The following SEMA3E variants were observed in gnomAD, a reference collection of about 807,000 sequenced individuals.
SEMA3E encodes the protein semaphorin 3E, also known as semaphorin-3E.
A neutral mutation model predicts 93.6 loss-of-function variants in SEMA3E; 49 were observed. That is an observed-to-expected ratio of 0.52 (90% CI 0.42 to 0.66). SEMA3E has a LOEUF of 0.66. Ranked by LOEUF, SEMA3E falls within the 30% of genes least tolerant of loss-of-function variation. The pLI is 0.00. For missense variants in SEMA3E, 906 were observed against 964.8 expected (o/e 0.94, Z 0.81); for synonymous variants, 363 against 330.7 (o/e 1.10, Z -1.06).
chr7:83,545,046 A>C (rs746819968), intron 1 of SEMA3E, among the ~76,000 whole-genome samples: 38 of 152,134 alleles, frequency 2.5e-4, no homozygotes, highest in African/African-American at 8.7e-4. Flanking sequence ...ATGAACCAGC[A>C]ACAGAAATAC....
intron 1 of SEMA3E, among the ~76,000 whole-genome samples, chr7:83,519,646 A>G (rs1251973263): frequency 6.6e-6 from 1 of 152,038 alleles, no homozygotes; most frequent in Non-Finnish European, 1.5e-5. Context: ...TAGCTCCGGG[A>G]TGTATCTCCT....
chr7:83,572,356 T>C (rs1438791201), intron 1 of SEMA3E, among the ~76,000 whole-genome samples: 1 of 152,094 alleles, frequency 6.6e-6, no homozygotes, highest in South Asian at 2.1e-4. Flanking sequence ...CAAAACATCA[T>C]GGTCCTGGTA....
At chr7:83,632,481 C>A (rs894793548) in intron 1 of SEMA3E, among the ~76,000 whole-genome samples, 8 of 152,104 alleles carry the variant, frequency 5.3e-5, no homozygotes, top group African/African-American at 1.9e-4. Context: ...GAATAAGTCT[C>A]ATGAGATCTG....
intron 12 of SEMA3E, 28 bp downstream of exon 12, chr7:83,396,609 AT>A: frequency 4.4e-6 from 6 of 1,371,928 alleles, no homozygotes; most frequent in Non-Finnish European, 6.2e-6. Flanking sequence ...TAATGCATAA[AT>A]TTGGTCTGTA....
chr7:83,474,351 A>C (rs1033161092), intron 2 of SEMA3E, among the ~76,000 whole-genome samples: 14 of 148,222 alleles, frequency 9.4e-5, no homozygotes, highest in Non-Finnish European at 2.9e-5. Context: ...CAAGCACTCT[A>C]TGTTTTGAAT....
intron 2 of SEMA3E, among the ~76,000 whole-genome samples, chr7:83,471,320 A>G (rs2954809): frequency 0.67 from 88,722 of 133,068 alleles, 31,321 homozygotes; most frequent in Non-Finnish European, 0.78. Flanking sequence ...TAATTAAAAC[A>G]TTAAAAAAAA....
At chr7:83,398,116 T>G (rs1788161144) in intron 11 of SEMA3E, among the ~76,000 whole-genome samples, 1 of 152,184 alleles carries the variant, frequency 6.6e-6, no homozygotes, top group Non-Finnish European at 1.5e-5. Context: ...CATGTTCTTT[T>G]TTCTGAAAAT....
At chr7:83,647,275 CA>C (rs1425157937) in intron 1 of SEMA3E, among the ~76,000 whole-genome samples, 3 of 152,042 alleles carry the variant, frequency 2.0e-5, no homozygotes, top group Non-Finnish European at 4.4e-5. Context: ...AATAAAAAGA[CA>C]AAAAGGCCAA....
intron 1 of SEMA3E, among the ~76,000 whole-genome samples, chr7:83,503,715 AT>A (rs1381108911): frequency 6.6e-6 from 1 of 152,208 alleles, no homozygotes; most frequent in Non-Finnish European, 1.5e-5. Context: ...TTGTAATTTG[AT>A]AAGTATTTGT....
chr7:83,385,575 TA>T, intron 15 of SEMA3E, 142 bp from the exon 16 acceptor site: 1 of 983,500 alleles, frequency 1.0e-6, no homozygotes, highest in East Asian at 2.6e-5. Context: ...TTAAAGGAAT[TA>T]TTTAGAAAGA....
chr7:83,448,524 A>G (rs1789285191), intron 4 of SEMA3E, among the ~76,000 whole-genome samples: 1 of 152,142 alleles, frequency 6.6e-6, no homozygotes, highest in African/African-American at 2.4e-5. Context: ...AACAAAAACA[A>G]AACAAAACAA....
In SEMA3E at chr7:83,587,613, A is replaced by T. The variant is rs569291574; in HGVS notation, c.115+60815T>A. Among the ~76,000 whole-genome samples the T allele has an allele frequency of 4.1e-4, 62 of 151,878 alleles. No homozygotes were observed. In the South Asian group the frequency reaches 8.5e-3, roughly 21 times the overall value. ...TGTAATCTCAGCACTTAGAAAAAAT[A>T]GTAGAAAAAAACTAAAAACCATTTG... On this transcript the variant is annotated intron_variant, in intron 1 of 16. Transcript: ENST00000643230.
chr7:83,606,664 A>G (rs1219156332), intron 1 of SEMA3E, among the ~76,000 whole-genome samples: 2 of 146,994 alleles, frequency 1.4e-5, no homozygotes, highest in African/African-American at 5.1e-5. Context: ...CTAATGCTAG[A>G]TGACACGTTA....
At chr7:83,422,481 ATTT>A (rs1399001578) in intron 4 of SEMA3E, among the ~76,000 whole-genome samples, 1 of 152,154 alleles carries the variant, frequency 6.6e-6, no homozygotes, top group Admixed American at 6.5e-5. Context: ...GACCCACATC[ATTT>A]CATGGAGGAG....
chr7:83,564,972 G>A (rs757804360), intron 1 of SEMA3E, among the ~76,000 whole-genome samples: 1 of 152,038 alleles, frequency 6.6e-6, no homozygotes, highest in Admixed American at 6.6e-5. Flanking sequence ...GAAGAAAAGA[G>A]AGAAGAATCA....
At chr7:83,527,911 A>T (rs1791194691) in intron 1 of SEMA3E, among the ~76,000 whole-genome samples, 1 of 152,278 alleles carries the variant, frequency 6.6e-6, no homozygotes, top group Non-Finnish European at 1.5e-5. Flanking sequence ...TGAGTACTTA[A>T]ACATCTAAGG....
intron 1 of SEMA3E, among the ~76,000 whole-genome samples, chr7:83,525,684 T>C (rs1167689545): frequency 6.6e-6 from 1 of 152,080 alleles, no homozygotes; most frequent in Non-Finnish European, 1.5e-5. Context: ...AATTTGATCT[T>C]GTTTCATGGA....
At chr7:83,499,910 AT>A (rs879393414) in intron 1 of SEMA3E, among the ~76,000 whole-genome samples, 17 of 152,182 alleles carry the variant, frequency 1.1e-4, no homozygotes, top group Non-Finnish European at 2.1e-4. Flanking sequence ...CAGAGGCTGA[AT>A]TTGGACATCA....
At chr7:83,470,625 A>G (rs2115896062) in intron 2 of SEMA3E, among the ~76,000 whole-genome samples, 1 of 152,228 alleles carries the variant, frequency 6.6e-6, no homozygotes, top group Non-Finnish European at 1.5e-5. Context: ...CCAGGAGGCA[A>G]CTATTGTATC....
Sources: gnomAD v4.1 joint callset for allele counts (sites outside exome capture counted in the v4.1 genomes callset) on GRCh38, gnomAD v4.1.1 for gene constraint, MANE v1.5 for transcripts, NCBI Gene and HGNC (gene_info 2026-07-23, HGNC 2026-07-21) for gene names.